Variants in DSE observed in about 807,000 individuals in gnomAD.
DSE encodes dermatan sulfate epimerase.
In DSE, 36 loss-of-function variants were observed where a neutral mutation model predicts 84.4. That is an observed-to-expected ratio of 0.43 (90% CI 0.33 to 0.56). DSE has a LOEUF of 0.56. DSE is among the 20% of genes least tolerant of loss of function. The pLI is 0.06. For synonymous variants in DSE, 410 were observed against 430.1 expected, an observed-to-expected ratio of 0.95 and a Z score of 0.58; for missense variants, 862 against 1,169.6, an observed-to-expected ratio of 0.74 and a Z score of 3.84.
chr6:116,287,725 C>T (rs536349762), intron 2 of DSE, among the ~76,000 whole-genome samples: 18 of 152,164 alleles, frequency 1.2e-4, no homozygotes, highest in African/African-American at 3.4e-4. Context: ...GCATCCATGA[C>T]ACCACCTAAT....
chr6:116,426,506 C>G (rs1783463225), intron 2 of DSE, 68 bp from the exon 3 acceptor site: 1 of 1,556,848 alleles, frequency 6.4e-7, no homozygotes, highest in Non-Finnish European at 8.7e-7. Flanking sequence ...GAGAAATAGA[C>G]ACTTTAGAAG....
chr6:116,344,272 C>A (rs1181664836), intron 2 of DSE, among the ~76,000 whole-genome samples: 15 of 152,040 alleles, frequency 9.9e-5, no homozygotes, highest in Admixed American at 9.2e-4. Flanking sequence ...CAAATTCAGG[C>A]AATACGGAGA....
chr6:116,358,847 ATTGTGT>A (rs1360456018), intron 2 of DSE, among the ~76,000 whole-genome samples: 2 of 152,122 alleles, frequency 1.3e-5, no homozygotes, highest in African/African-American at 4.8e-5. Flanking sequence ...TTGATGCTTT[ATTGTGT>A]TTATCAGTCA....
chr6:116,343,307 G>A (rs1224811273), intron 2 of DSE, among the ~76,000 whole-genome samples: 5 of 152,160 alleles, frequency 3.3e-5, no homozygotes, highest in South Asian at 4.1e-4. Context: ...TGGTTCTCCC[G>A]GCATGGAGTT....
At chr6:116,362,498 A>G (rs1253433963) in intron 2 of DSE, among the ~76,000 whole-genome samples, 1 of 152,196 alleles carries the variant, frequency 6.6e-6, no homozygotes, top group Non-Finnish European at 1.5e-5. Context: ...GGAGAAAGAG[A>G]AATCACTCTA....
chr6:116,279,239 C>T (rs201943659), intron 2 of DSE: 37 of 1,608,904 alleles, frequency 2.3e-5, no homozygotes, highest in Non-Finnish European at 3.1e-5. Flanking sequence ...TCTTCACCTT[C>T]TGGCGGCTGC....
chr6:116,258,612 G>A, exon 2 of DSE: 1 of 1,612,158 alleles, frequency 6.2e-7, no homozygotes, highest in Non-Finnish European at 8.5e-7. Flanking sequence ...ACTCAGCAAT[G>A]GTCTTAATGT....
rs530675447 is a variant in DSE, at chr6:116,274,284, G to A, written c.-54+15317G>A. Among the ~76,000 whole-genome samples, 10 of 152,072 alleles carry A rather than the reference G, an allele frequency of 6.6e-5. No individual in the cohort carries two copies. In the South Asian group the frequency reaches 1.0e-3, roughly 16 times the overall value. ...TAAACTAAAAATAGAGCATTTGGCC[G>A]GGCACAGTGGCTCACGCCTGTAATC... On this transcript the variant is annotated intron_variant, in intron 2 of 3. Coordinates refer to the DSE transcript ENST00000430252.
intron 2 of DSE, among the ~76,000 whole-genome samples, chr6:116,301,706 T>C (rs1479242886): frequency 2.6e-5 from 4 of 152,178 alleles, no homozygotes; most frequent in African/African-American, 9.7e-5. Flanking sequence ...TACATAGGTA[T>C]ACACATGCCA....
At position 116,435,641 on chromosome 6, in the gene DSE, G is replaced by A. The variant is rs146663575; in HGVS notation, c.1173G>A (p.Leu391=). ...VPPPDFGTPT[L]HYFEDWGVVT... The stretch of plus-strand genomic sequence containing the variant: ...CTCCAGACTTTGGCACCCCTACACT[G>A]CATTATTTTGAAGACTGGGGTGTCG... The change falls in exon 6 of 6, where the codon CTG becomes CTA. Residue 391 remains leucine, a synonymous_variant. Transcript: ENST00000644252. 145 of 1,613,768 alleles carry A rather than the reference G, an allele frequency of 9.0e-5. No individual in the cohort carries two copies. In the African/African-American group the frequency reaches 1.8e-3, roughly 20 times the overall value.
rs754612467 is a variant in DSE at position 116,437,319 on chromosome 6, T to A, written c.2851T>A (p.Ser951Thr). The A allele has an allele frequency of 6.2e-7, 1 of 1,611,890 alleles. No individual in the cohort carries two copies. The highest frequency in any genetic ancestry group is 8.5e-7 in the Non-Finnish European group (1 of 1,178,980). The change falls in exon 6 of 6, where the codon TCT becomes ACT. Residue 951 changes from serine (S) to threonine (T), a missense_variant. Ser to Thr is a moderately conservative substitution (Grantham distance 58, BLOSUM62 1). Coordinates refer to ENST00000644252, the MANE Select transcript of DSE (RefSeq NM_013352.4). ...TAGCTGTATTTTATTATGGTTGTAC[T>A]CTTCTTGTTCCCAATCACAGTGTTA... is the stretch of plus-strand genomic sequence containing the variant. ...IDSCILLWLYSSCSQSQC is the reference protein window; with the variant it reads ...IDSCILLWLYTSCSQSQC
chr6:116,431,796 T>C (rs1783857656), intron 4 of DSE, among the ~76,000 whole-genome samples: 1 of 152,180 alleles, frequency 6.6e-6, no homozygotes, highest in Non-Finnish European at 1.5e-5. Context: ...AAAAAATATA[T>C]ACATGATTTA....
intron 1 of DSE, among the ~76,000 whole-genome samples, chr6:116,396,069 T>C (rs1781232938): frequency 6.6e-6 from 1 of 152,232 alleles, no homozygotes. Flanking sequence ...ACACTTTCCT[T>C]GGCTTCAAAT....
intron 2 of DSE, among the ~76,000 whole-genome samples, chr6:116,292,182 G>T (rs1774324679): frequency 6.6e-6 from 1 of 152,040 alleles, no homozygotes; most frequent in Non-Finnish European, 1.5e-5. Context: ...AGAAAGGAAG[G>T]CCAAAAATAG....
intron 2 of DSE, among the ~76,000 whole-genome samples, chr6:116,357,165 C>A (rs1778622770): frequency 6.6e-6 from 1 of 152,188 alleles, no homozygotes; most frequent in Non-Finnish European, 1.5e-5. Flanking sequence ...GTTTCTTCTT[C>A]TCCAGTACTA....
intron 2 of DSE, among the ~76,000 whole-genome samples, chr6:116,272,154 T>A (rs1191872080): frequency 1.3e-5 from 2 of 152,270 alleles, no homozygotes; most frequent in East Asian, 3.8e-4. Flanking sequence ...CTCTTTATTG[T>A]TGAGTGGTGT....
At chr6:116,421,442 CAT>C (rs1325657865) in intron 2 of DSE, among the ~76,000 whole-genome samples, 1,013 of 50,128 alleles carry the variant, frequency 0.02, 22 homozygotes, top group African/African-American at 0.024. Flanking sequence ...ACTATATATA[CAT>C]ATATATATAT....
At chr6:116,254,267 G>T (rs1182884303) in exon 1 of DSE, 1 of 674,676 alleles carries the variant, frequency 1.5e-6, no homozygotes, top group East Asian at 2.9e-5. Context: ...TTTTACTTAC[G>T]TAAATGGATG....
chr6:116,270,157 C>A (rs2114612969), intron 2 of DSE, among the ~76,000 whole-genome samples: 1 of 152,220 alleles, frequency 6.6e-6, no homozygotes. Flanking sequence ...AGCTGCAAGG[C>A]CAAAAATAAG....
Sources: gnomAD v4.1 joint callset for allele counts (sites outside exome capture counted in the v4.1 genomes callset) on GRCh38, gnomAD v4.1.1 for gene constraint, MANE v1.5 for transcripts, NCBI Gene and HGNC (gene_info 2026-07-23, HGNC 2026-07-21) for gene names.